The following SPNS2 variants were observed in gnomAD, a reference collection of about 807,000 sequenced individuals.
SPNS2 encodes SPNS lysolipid transporter 2, sphingosine-1-phosphate.
SPNS2 carries 37 observed loss-of-function variants against 57.6 expected under a neutral mutation model. The ratio of observed to expected loss-of-function variants is 0.64; its 90% confidence interval spans 0.49 to 0.85. The LOEUF is 0.85. Among genes scored for constraint, SPNS2 ranks in the 40% least tolerant of loss-of-function variants. The pLI is 0.00. For synonymous variants in SPNS2, 440 were observed against 346.9 expected (o/e 1.27, Z -2.98); for missense variants, 831 against 779.1 (o/e 1.07, Z -0.79).
At chr17:4,529,893 G>A (rs1433001455) in intron 3 of SPNS2, among the ~76,000 whole-genome samples, 1 of 152,188 alleles carries the variant, frequency 6.6e-6, no homozygotes, top group Non-Finnish European at 1.5e-5. Context: ...GTGAGCAGAT[G>A]GAGGGAAGTC....
At chr17:4,506,997 T>G (rs1193555803) in intron 1 of SPNS2, among the ~76,000 whole-genome samples, 1 of 152,046 alleles carries the variant, frequency 6.6e-6, no homozygotes, top group African/African-American at 2.4e-5. Flanking sequence ...TGGGGAAGCC[T>G]GGGGGTGAGT....
intron 3 of SPNS2, among the ~76,000 whole-genome samples, chr17:4,526,883 C>G (rs572443307): frequency 1.3e-5 from 2 of 152,188 alleles, no homozygotes; most frequent in Non-Finnish European, 2.9e-5. Context: ...TCAGGTAAAG[C>G]TCCAGGCCCA....
In SPNS2 at chr17:4,513,289, G is replaced by A. The variant is rs771781727; in HGVS notation, c.413G>A (p.Arg138Gln). Residue 138 changes from arginine to glutamine, a missense_variant, in exon 2 of 13, where the codon CGA becomes CAA. Around this residue, in one of 2 missense-constraint regions of SPNS2, gnomAD observed 305 missense variants for 378.3 expected, o/e 0.81. Coordinates refer to ENST00000329078, the MANE Select transcript of SPNS2 (RefSeq NM_001124758.3). ...CAGCAGCACTTTGGGGTCAAGGACC[G>A]AGGCGCCGGCCTGCTGCAGTCAGGT... The part of the protein sequence containing the change: ...DIQQHFGVKD[R>Q]GAGLLQSVFI... The A allele has an allele frequency of 2.9e-5, 46 of 1,613,878 alleles. No homozygotes were observed. Among genetic ancestry groups the A allele is most frequent in the Non-Finnish European group, 3.5e-5 (41 of 1,179,888 alleles).
Position 4,537,751 on chromosome 17 carries a change from C to T in SPNS2, c.*303C>T, listed in dbSNP as rs1253445871. 4 of 456,424 alleles carry T rather than the reference C, an allele frequency of 8.8e-6. No individual in the cohort carries two copies. Among genetic ancestry groups the T allele is most frequent in the African/African-American group, 2.0e-5 (1 of 50,098 alleles). The allele number at this position is 456,424 out of a possible 1,614,324, so 28.3% of individuals were successfully genotyped here. A position where few individuals can be genotyped will look rare whatever the true frequency, so the allele number is the denominator to read the frequency against. ...GCCCCAAGTGGGTGTCCGGGGAGAG[C>T]CTGGCCTGCCACCAGCTTATGTGAT... On this transcript the variant is annotated 3_prime_UTR_variant, in exon 13 of 13. Coordinates refer to ENST00000329078, the MANE Select transcript of SPNS2 (RefSeq NM_001124758.3).
Position 4,510,065 on chromosome 17 carries a change from C to T in SPNS2, c.371-3182C>T, listed in dbSNP as rs1052579009. On this transcript the variant is annotated intron_variant, in intron 1 of 12. Coordinates refer to ENST00000329078, the MANE Select transcript of SPNS2 (RefSeq NM_001124758.3). The surrounding 1 kb of genome is among the most constrained non-coding windows in gnomAD (Gnocchi z 4.4). ...GCCCAAAGGAAAATCTGAGGCGACC[C>T]GCCGAGCTGCTGTGACACACGCTTC... Among the ~76,000 whole-genome samples, 6 of 152,266 alleles carry T rather than the reference C, an allele frequency of 3.9e-5. No individual in the cohort carries two copies. Among genetic ancestry groups the T allele is most frequent in the Non-Finnish European group, 5.9e-5 (4 of 68,048 alleles).
At chr17:4,526,473 C>T (rs1021132069) in intron 3 of SPNS2, among the ~76,000 whole-genome samples, 1 of 152,066 alleles carries the variant, frequency 6.6e-6, no homozygotes, top group Non-Finnish European at 1.5e-5. Flanking sequence ...CATGGTGGTG[C>T]ATGCCTATAA....
rs1171161670 is a variant in SPNS2, at chr17:4,515,025, G to A, written c.436+1713G>A. ...CATTTAATGACCACTGAGCATGGTCGGGGCCAGCACAGCCCAGGGAGGGGG... is the reference window on the plus strand; with the variant it reads ...CATTTAATGACCACTGAGCATGGTCAGGGCCAGCACAGCCCAGGGAGGGGG... On this transcript the variant is annotated intron_variant, in intron 2 of 12. Transcript: ENST00000329078. Among the ~76,000 whole-genome samples, 4 of 152,184 alleles carry A rather than the reference G, an allele frequency of 2.6e-5. No individual in the cohort carries two copies. The East Asian group carries it at 5.8e-4, about 22-fold the overall frequency.
chr17:4,503,801 C>CAAA (rs1163221655), intron 1 of SPNS2, among the ~76,000 whole-genome samples: 3 of 152,178 alleles, frequency 2.0e-5, no homozygotes, highest in African/African-American at 7.2e-5. Flanking sequence ...GAGTCCTTTT[C>CAAA]TGCCAAAGAA....
At chr17:4,530,153 G>C (rs565235846) in intron 3 of SPNS2, among the ~76,000 whole-genome samples, 1 of 151,856 alleles carries the variant, frequency 6.6e-6, no homozygotes, top group African/African-American at 2.4e-5. Flanking sequence ...CCCTGCCAAC[G>C]CCCCACTCCC....
chr17:4,521,990 G>C lies in SPNS2; in HGVS notation c.437-3067G>C, dbSNP rs1214949210. On this transcript the variant is annotated intron_variant, in intron 2 of 12. Coordinates refer to ENST00000329078, the MANE Select transcript of SPNS2 (RefSeq NM_001124758.3). ...GAGGCAGGAGGATCACCTGAGATCA[G>C]GTGTTTGAGACCAGCCTGGCCAACA... 3.9e-5 allele frequency among the ~76,000 whole-genome samples: 6 copies of C among 152,364 alleles called. No individual in the cohort carries two copies. The East Asian group carries it at 5.8e-4, about 15-fold the overall frequency.
At chr17:4,527,326 G>A (rs1053248305) in intron 3 of SPNS2, among the ~76,000 whole-genome samples, 4 of 152,254 alleles carry the variant, frequency 2.6e-5, no homozygotes, top group African/African-American at 9.6e-5. Flanking sequence ...ACAGCAGAGG[G>A]ATGGACTAAG....
chr17:4,532,371 C>T (rs750689645), intron 5 of SPNS2, among the ~76,000 whole-genome samples, 171 bp from the exon 6 acceptor site: 3 of 152,196 alleles, frequency 2.0e-5, no homozygotes, highest in Non-Finnish European at 4.4e-5. Flanking sequence ...GTCTCTTGAC[C>T]GACCTCAGCC....
At chr17:4,520,188 G>A (rs1446964258) in intron 2 of SPNS2, among the ~76,000 whole-genome samples, 1 of 152,222 alleles carries the variant, frequency 6.6e-6, no homozygotes, top group Non-Finnish European at 1.5e-5. Context: ...GGTGAGCTAA[G>A]GGCACGTAGG....
intron 8 of SPNS2, 76 bp downstream of exon 8, chr17:4,533,508 TCTGA>T (rs1011083026): frequency 1.7e-5 from 25 of 1,430,924 alleles, no homozygotes; most frequent in African/African-American, 1.7e-4. Flanking sequence ...GGACATTCGG[TCTGA>T]CTTACTGGAT....
intron 3 of SPNS2, among the ~76,000 whole-genome samples, chr17:4,528,942 CT>C (rs569324524): frequency 8.5e-4 from 123 of 143,872 alleles, no homozygotes; most frequent in East Asian, 2.5e-3. Context: ...TTTATCTTTT[CT>C]TTTTTTTTTT....
intron 3 of SPNS2, among the ~76,000 whole-genome samples, chr17:4,526,279 C>G (rs1490653235): frequency 6.6e-6 from 1 of 152,154 alleles, no homozygotes; most frequent in Non-Finnish European, 1.5e-5. Context: ...AGCCAACCCA[C>G]TGATGCAGAA....
chr17:4,499,069 T>A lies in SPNS2; in HGVS notation c.22T>A (p.Ser8Thr). MMCLECA[S>T]AAAGGAEEEE... ...CGGCATGATGTGCCTGGAATGCGCC[T>A]CGGCGGCGGCGGGCGGCGCGGAGGA... The change falls in exon 1 of 13, where the codon TCG becomes ACG. Residue 8 changes from serine (S) to threonine (T), a missense_variant. Coordinates refer to ENST00000329078, the MANE Select transcript of SPNS2 (RefSeq NM_001124758.3). The surrounding 1 kb of genome is among the most constrained non-coding windows in gnomAD (Gnocchi z 5.2). 2.0e-6 allele frequency: 2 copies of A among 1,018,380 alleles called. No individual in the cohort carries two copies. Among genetic ancestry groups the A allele is most frequent in the Non-Finnish European group, 2.3e-6 (2 of 854,328 alleles). The allele number at this position is 1,018,380 out of a possible 1,614,324, so 63.1% of individuals were successfully genotyped here.
rs1414709044 is a variant in SPNS2, at chr17:4,511,992, T to C, written c.371-1255T>C. Among the ~76,000 whole-genome samples the C allele has an allele frequency of 6.6e-6, 1 of 152,146 alleles. No homozygotes were observed. Among genetic ancestry groups the C allele is most frequent in the Non-Finnish European group, 1.5e-5 (1 of 68,018 alleles). On this transcript the variant is annotated intron_variant, in intron 1 of 12. Coordinates refer to ENST00000329078, the MANE Select transcript of SPNS2 (RefSeq NM_001124758.3). The surrounding 1 kb of genome is among the most constrained non-coding windows in gnomAD (Gnocchi z 4.6). Reference sequence around the variant, plus strand: ...GAGCCCACAGCCTGACTTCCTATGCTCCAGTTTCCTCATCTGTCAACTTGG... The same window carrying C: ...GAGCCCACAGCCTGACTTCCTATGCCCCAGTTTCCTCATCTGTCAACTTGG...
chr17:4,501,494 G>A (rs1381340378), intron 1 of SPNS2, among the ~76,000 whole-genome samples: 21 of 152,108 alleles, frequency 1.4e-4, no homozygotes, highest in Non-Finnish European at 1.6e-4. Context: ...AGGAAGGCCC[G>A]GAAAGTCCTG....
Sources: allele counts gnomAD v4.1 joint callset (sites outside exome capture counted in the v4.1 genomes callset), GRCh38; gene constraint gnomAD v4.1.1; regional missense constraint gnomAD v4.1.1; non-coding constraint Gnocchi (gnomAD v3.1); transcripts MANE v1.5; gene names NCBI Gene and HGNC (gene_info 2026-07-23, HGNC 2026-07-21).